PLXNC1: variants seen among roughly 807,000 people sequenced by gnomAD.
PLXNC1 encodes plexin C1.
PLXNC1 carries 75 observed loss-of-function variants against 178.2 expected under a neutral mutation model. The ratio of observed to expected loss-of-function variants is 0.42; its 90% CI spans 0.35 to 0.51. The LOEUF (loss-of-function observed/expected upper bound fraction) is 0.51, where lower values mean the gene tolerates loss of function less well. PLXNC1 is among the 20% of genes least tolerant of loss of function. The pLI is 0.02. For synonymous variants in PLXNC1, 790 were observed against 779.9 expected, an observed-to-expected ratio of 1.01 and a Z score of -0.22; for missense variants, 1,503 against 1,984.4, an observed-to-expected ratio of 0.76 and a Z score of 4.61.
At chr12:94,208,412 C>A (rs1371336351) in intron 4 of PLXNC1, among the ~76,000 whole-genome samples, 1 of 151,984 alleles carries the variant, frequency 6.6e-6, no homozygotes, top group Non-Finnish European at 1.5e-5. Context: ...AGCCATGAGG[C>A]CTAAATTCTT....
intron 1 of PLXNC1, among the ~76,000 whole-genome samples, chr12:94,162,180 A>G (rs1427130064): frequency 6.6e-6 from 1 of 152,190 alleles, no homozygotes; most frequent in Non-Finnish European, 1.5e-5. Context: ...GGGAAGAGCT[A>G]TGGTCATGTG....
intron 4 of PLXNC1, 141 bp downstream of exon 4, chr12:94,186,614 T>C: frequency 1.6e-6 from 1 of 622,380 alleles, no homozygotes; most frequent in South Asian, 1.8e-5. Context: ...TGTTGTGCAA[T>C]CCTAATGAAT....
intron 15 of PLXNC1, among the ~76,000 whole-genome samples, chr12:94,253,546 A>G (rs1436603689): frequency 1.3e-5 from 2 of 152,210 alleles, no homozygotes; most frequent in Admixed American, 6.5e-5. Context: ...GAATCACTAC[A>G]TCATACTCCA....
At chr12:94,262,986 C>G (rs1965040861) in intron 20 of PLXNC1, among the ~76,000 whole-genome samples, 2 of 152,152 alleles carry the variant, frequency 1.3e-5, no homozygotes, top group Non-Finnish European at 2.9e-5. Context: ...TGGGACAGCA[C>G]CAGGGTCCGA....
intron 23 of PLXNC1, among the ~76,000 whole-genome samples, chr12:94,286,616 CAAAAAAAAAAA>C (rs61238982): frequency 1.2e-4 from 12 of 101,404 alleles, no homozygotes; most frequent in South Asian, 3.7e-4. Context: ...TGCTTAAAAG[CAAAAAAAAAAA>C]AAAAAAAAAA....
chr12:94,265,139 G>A lies in PLXNC1; in HGVS notation c.3511G>A (p.Gly1171Ser). ...GACTCTGAACCAGAAAATTAACAAG[G>A]GTCCCGTGGATGTAATCACTTGCAA... ...VTTLNQKINK[G>S]PVDVITCKAL... is the part of the protein sequence containing the mutation. The change falls in exon 21 of 31, where the codon GGT becomes AGT. Residue 1171 changes from glycine to serine, a missense_variant. Gly to Ser is a moderately conservative substitution (Grantham distance 56). Coordinates refer to ENST00000258526, the MANE Select transcript of PLXNC1 (RefSeq NM_005761.3). The A allele has an allele frequency of 6.2e-7, 1 of 1,614,120 alleles. No individual in the cohort carries two copies. The highest frequency in any genetic ancestry group is 8.5e-7 in the Non-Finnish European group (1 of 1,179,978).
At chr12:94,235,515 C>T (rs1007747935) in intron 9 of PLXNC1, among the ~76,000 whole-genome samples, 1 of 152,008 alleles carries the variant, frequency 6.6e-6, no homozygotes, top group Non-Finnish European at 1.5e-5. Flanking sequence ...TGGATGTAAA[C>T]GTGAGTCTGC....
rs376053396 is a variant in PLXNC1, at chr12:94,226,737, T to C, written c.1893+30T>C. The C allele has an allele frequency of 3.3e-6, 5 of 1,500,050 alleles. No individual in the cohort carries two copies. The African/African-American group carries it at 5.5e-5, about 17-fold the overall frequency. 92.9% of individuals were successfully genotyped at this position (1,500,050 alleles called of 1,614,324 possible). A position where few individuals can be genotyped will look rare whatever the true frequency, so the allele number is the denominator to read the frequency against. On this transcript the variant is annotated intron_variant, in intron 8 of 30. Coordinates refer to ENST00000258526, the MANE Select transcript of PLXNC1 (RefSeq NM_005761.3). ...AGTGACATTTTTGGTATTGTAAGTC[T>C]TAACCGCCGGGCATGGTGGCTCACG...
rs112364413 is a variant in PLXNC1, at chr12:94,262,625, A to G, written c.3450+1785A>G. On this transcript the variant is annotated intron_variant, in intron 20 of 30. Transcript: ENST00000258526. Reference sequence around the variant, plus strand: ...GCCAGTCGGCGATACTTTCACTTTCAGTGGAATAATTCCCGCTGGTGCAGG... The same window carrying G: ...GCCAGTCGGCGATACTTTCACTTTCGGTGGAATAATTCCCGCTGGTGCAGG... 0.012 allele frequency: 11,613 copies of G among 985,358 alleles called. 1,053 individuals carry two copies. In the African/African-American group the frequency reaches 0.18, roughly 15 times the overall value. The allele number at this position is 985,358 out of a possible 1,614,324, so 61.0% of individuals were successfully genotyped here.
intron 30 of PLXNC1, 107 bp downstream of exon 30, chr12:94,304,158 A>C: frequency 1.4e-6 from 1 of 713,534 alleles, no homozygotes; most frequent in Non-Finnish European, 2.3e-6. Flanking sequence ...AAGGCCAGAA[A>C]GGGAAGCCAG....
At chr12:94,207,018 A>G (rs907777661) in intron 4 of PLXNC1, among the ~76,000 whole-genome samples, 135 of 152,356 alleles carry the variant, frequency 8.9e-4, no homozygotes, top group African/African-American at 3.0e-3. Flanking sequence ...TATGGGAGCT[A>G]TAAGATCTGC....
rs776468014 is a variant in PLXNC1, at chr12:94,269,309, T to A, written c.3597+4084T>A. Among the ~76,000 whole-genome samples, 5 of 152,206 alleles carry A rather than the reference T, an allele frequency of 3.3e-5. 1 individual carries two copies. Among genetic ancestry groups the A allele is most frequent in the Non-Finnish European group, 7.3e-5 (5 of 68,030 alleles). On this transcript the variant is annotated intron_variant, in intron 21 of 30. Transcript: ENST00000258526. ...AGAAAGTTTTCAAGATTATTAGAAATTCTTGAAAAAGCACAAGTACATGCC... is the reference window on the plus strand; with the variant it reads ...AGAAAGTTTTCAAGATTATTAGAAAATCTTGAAAAAGCACAAGTACATGCC...
At chr12:94,251,585 C>G in intron 15 of PLXNC1, 57 bp downstream of exon 15, 1 of 1,110,340 alleles carries the variant, frequency 9.0e-7, no homozygotes, top group Non-Finnish European at 1.4e-6. Context: ...TCTCGCCGGG[C>G]AGGCAGACTT....
At chr12:94,193,821 T>C (rs1592751629) in intron 4 of PLXNC1, among the ~76,000 whole-genome samples, 1 of 151,616 alleles carries the variant, frequency 6.6e-6, no homozygotes, top group Non-Finnish European at 1.5e-5. Context: ...GAGTAGGGAG[T>C]GTAGAAGGAG....
intron 5 of PLXNC1, among the ~76,000 whole-genome samples, chr12:94,216,420 C>G (rs1329840915): frequency 6.6e-6 from 1 of 152,126 alleles, no homozygotes; most frequent in African/African-American, 2.4e-5. Flanking sequence ...TATATTCTCA[C>G]AAGAGGAGAT....
rs775366979 is a variant in PLXNC1, at chr12:94,149,185, C to G, written c.214C>G (p.Leu72Val). ...GSCLDQLDYS[L>V]EHSLSRLYRD... ...CTGCCTGGACCAGCTGGACTACAGC[C>G]TGGAGCACAGCCTCTCGCGCCTGTA... Residue 72 changes from leucine (L) to valine (V), a missense_variant, in exon 1 of 31, where the codon CTG becomes GTG. By Grantham distance (32) the Leu-to-Val change is conservative. This residue lies in a region of PLXNC1 where 176 missense variants were observed against 180.7 expected (regional missense o/e 0.97). Coordinates refer to ENST00000258526, the MANE Select transcript of PLXNC1 (RefSeq NM_005761.3). 7 of 1,589,794 alleles carry G rather than the reference C, an allele frequency of 4.4e-6. No homozygotes were observed. The highest frequency in any genetic ancestry group is 6.0e-6 in the Non-Finnish European group (7 of 1,172,068).
At chr12:94,179,379 T>C (rs549702922) in intron 2 of PLXNC1, among the ~76,000 whole-genome samples, 3 of 152,334 alleles carry the variant, frequency 2.0e-5, no homozygotes, top group Admixed American at 1.3e-4. Context: ...ACCTTCACTT[T>C]TCAAAGTAGT....
intron 23 of PLXNC1, among the ~76,000 whole-genome samples, chr12:94,288,001 GA>G (rs1966879761): frequency 6.6e-6 from 1 of 152,192 alleles, no homozygotes; most frequent in South Asian, 2.1e-4. Context: ...CTCAAGGCTT[GA>G]AAGCAGGCGA....
At position 94,149,069 on chromosome 12, in the gene PLXNC1, G is replaced by C. The variant is rs763843484; in HGVS notation, c.98G>C (p.Arg33Pro). ...CTGCTGGCACTGGCGGCTCCCGGCC[G>C]GGGCGCGGACGAGCCCGTGTGGCGG... ...AYLLALAAPG[R>P]GADEPVWRSE... Residue 33 changes from arginine (R) to proline (P), a missense_variant, in exon 1 of 31, where the codon CGG (arginine) becomes CCG (proline). Arg to Pro is a moderately radical substitution (Grantham distance 103, BLOSUM62 -2). Transcript: ENST00000258526. 3 of 1,558,388 alleles carry C rather than the reference G, an allele frequency of 1.9e-6. No individual in the cohort carries two copies. Among genetic ancestry groups the C allele is most frequent in the Admixed American group, 3.7e-5 (2 of 54,258 alleles).
Sources: allele counts gnomAD v4.1 joint callset (sites outside exome capture counted in the v4.1 genomes callset), GRCh38; gene constraint gnomAD v4.1.1; regional missense constraint gnomAD v4.1.1; transcripts MANE v1.5; gene names NCBI Gene and HGNC (gene_info 2026-07-23, HGNC 2026-07-21).